The following SMARCC1 variants were observed in gnomAD, a reference collection of about 807,000 sequenced individuals.
The protein encoded by SMARCC1 is SWI/SNF complex subunit SMARCC1.
SMARCC1 carries 43 observed loss-of-function variants against 147.4 expected under a neutral mutation model. The ratio of observed to expected loss-of-function variants is 0.29; its 90% CI spans 0.23 to 0.38. The LOEUF is 0.38. Ranked by LOEUF, SMARCC1 falls within the 10% of genes least tolerant of loss-of-function variation. SMARCC1 has a pLI of 1.00. For missense variants in SMARCC1, 1,119 were observed against 1,381.1 expected (o/e 0.81, Z 3.01); for synonymous variants, 495 against 484.4 (o/e 1.02, Z -0.29).
chr3:47,682,467 A>C (rs1264845278), intron 14 of SMARCC1, among the ~76,000 whole-genome samples: 1 of 151,964 alleles, frequency 6.6e-6, no homozygotes, highest in Non-Finnish European at 1.5e-5. Context: ...TTTTGTAGAG[A>C]CGGGTATCAC....
At position 47,772,954 on chromosome 3, in the gene SMARCC1, G is replaced by A. The variant is rs1250415291; in HGVS notation, c.196-18C>T. The A allele has an allele frequency of 2.5e-6, 4 of 1,606,276 alleles. No homozygotes were observed. Among genetic ancestry groups the A allele is most frequent in the South Asian group, 1.1e-5 (1 of 90,414 alleles). On this transcript the variant is annotated intron_variant, in intron 1 of 27. Transcript: ENST00000254480. ...TGAACATACTGCAAGATAAAGACAG[G>A]CATTCAAAAACTAGTACAATTTTTG...
At chr3:47,672,596 C>A (rs1042044050) in intron 18 of SMARCC1, among the ~76,000 whole-genome samples, 4 of 152,088 alleles carry the variant, frequency 2.6e-5, no homozygotes, top group African/African-American at 9.7e-5. Flanking sequence ...CCAAGAAGAA[C>A]AAAATTCATT....
At chr3:47,671,196 A>AAACAAAC (rs1553682000) in intron 18 of SMARCC1, among the ~76,000 whole-genome samples, 1 of 81,144 alleles carries the variant, frequency 1.2e-5, no homozygotes, top group Non-Finnish European at 2.4e-5. Flanking sequence ...AAAAAAAAAA[A>AAACAAAC]AACACACACA....
chr3:47,761,131 T>TAAAAA (rs1324912243), intron 2 of SMARCC1, among the ~76,000 whole-genome samples: 4 of 64,868 alleles, frequency 6.2e-5, no homozygotes, highest in African/African-American at 8.0e-5. Context: ...AGACTCTGTC[T>TAAAAA]AAAAAAAAAG....
intron 2 of SMARCC1, among the ~76,000 whole-genome samples, chr3:47,769,044 C>T (rs1172358710): frequency 6.6e-6 from 1 of 151,004 alleles, no homozygotes; most frequent in African/African-American, 2.4e-5. Flanking sequence ...AACCTTGTCT[C>T]TACTAAAAAT....
chr3:47,633,775 TATATAC>T (rs1157991733), intron 24 of SMARCC1, among the ~76,000 whole-genome samples: 23 of 18,640 alleles, frequency 1.2e-3, no homozygotes, highest in African/African-American at 2.0e-3. Flanking sequence ...TATATATATA[TATATAC>T]ACACACACAC....
chr3:47,672,797 T>A (rs868584849), intron 18 of SMARCC1, among the ~76,000 whole-genome samples: 1 of 151,418 alleles, frequency 6.6e-6, no homozygotes, highest in East Asian at 2.0e-4. Flanking sequence ...TCTTCTTTTT[T>A]AGATGGAGTC....
At chr3:47,641,852 G>T (rs569048083) in intron 21 of SMARCC1, among the ~76,000 whole-genome samples, 1 of 152,238 alleles carries the variant, frequency 6.6e-6, no homozygotes, top group Non-Finnish European at 1.5e-5. Flanking sequence ...GCTCACTGCA[G>T]CCTCAAACTC....
In SMARCC1 at chr3:47,689,572, C is replaced by G. The variant is rs535116591; in HGVS notation, c.1226-148G>C. The G allele has an allele frequency of 9.0e-6, 6 of 664,860 alleles. No homozygotes were observed. In the African/African-American group the frequency reaches 1.1e-4, roughly 12 times the overall value. 41.2% of individuals were successfully genotyped at this position (664,860 alleles called of 1,614,324 possible). On this transcript the variant is annotated intron_variant, in intron 12 of 27. Coordinates refer to ENST00000254480, the MANE Select transcript of SMARCC1 (RefSeq NM_003074.4). ...AAGCAAAATCACTCTGAATAATTCACTAAATTAGAATTCTACACAGAAGCA... is the reference window on the plus strand; with the variant it reads ...AAGCAAAATCACTCTGAATAATTCAGTAAATTAGAATTCTACACAGAAGCA...
At chr3:47,717,054 T>A (rs557643793) in intron 7 of SMARCC1, among the ~76,000 whole-genome samples, 1,577 of 152,272 alleles carry the variant, frequency 0.01, 24 homozygotes, top group African/African-American at 0.036. Context: ...TCGAACTACA[T>A]AAAAAGATTG....
intron 2 of SMARCC1, among the ~76,000 whole-genome samples, chr3:47,755,209 T>C (rs1030527605): frequency 8.6e-5 from 13 of 151,938 alleles, no homozygotes; most frequent in South Asian, 4.2e-4. Flanking sequence ...TCTCAAAAAC[T>C]AAATTAATTA....
chr3:47,681,954 A>G (rs1178744638), intron 14 of SMARCC1, among the ~76,000 whole-genome samples: 1 of 152,222 alleles, frequency 6.6e-6, no homozygotes. Flanking sequence ...GTGACATGCA[A>G]AGATGATCAG....
intron 25 of SMARCC1, among the ~76,000 whole-genome samples, chr3:47,615,978 C>T (rs1311774815): frequency 1.3e-5 from 2 of 152,182 alleles, no homozygotes; most frequent in African/African-American, 4.8e-5. Flanking sequence ...GCCACAGCAC[C>T]CAGCCTCTGA....
At chr3:47,695,269 G>C (rs1321114132) in intron 11 of SMARCC1, among the ~76,000 whole-genome samples, 1 of 152,174 alleles carries the variant, frequency 6.6e-6, no homozygotes, top group Non-Finnish European at 1.5e-5. Context: ...AGGAGGTGAA[G>C]TCTGCAGTGA....
chr3:47,746,015 C>G lies in SMARCC1; in HGVS notation c.316-22G>C, dbSNP rs754430702. 3 of 1,483,882 alleles carry G rather than the reference C, an allele frequency of 2.0e-6. No individual in the cohort carries two copies. In the Admixed American group the frequency reaches 7.0e-5, roughly 35 times the overall value. 91.9% of individuals were successfully genotyped at this position (1,483,882 alleles called of 1,614,324 possible). On this transcript the variant is annotated intron_variant, in intron 2 of 27. Coordinates refer to ENST00000254480, the MANE Select transcript of SMARCC1 (RefSeq NM_003074.4). ...TTGCCTAAAAATGATACAAATTACA[C>G]ATGAGAAAAATAAAGCTTCTGACAA... is the stretch of plus-strand genomic sequence containing the variant.
chr3:47,646,676 C>G (rs939688071), intron 21 of SMARCC1, among the ~76,000 whole-genome samples: 3 of 152,134 alleles, frequency 2.0e-5, no homozygotes, highest in Non-Finnish European at 4.4e-5. Context: ...TTGGCAGGAA[C>G]CACCCTCCAT....
chr3:47,696,418 C>T (rs560283609), intron 11 of SMARCC1, among the ~76,000 whole-genome samples: 1 of 151,992 alleles, frequency 6.6e-6, no homozygotes, highest in East Asian at 1.9e-4. Flanking sequence ...CAAATTTATA[C>T]AACACTAGAC....
intron 24 of SMARCC1, among the ~76,000 whole-genome samples, chr3:47,631,822 A>G (rs972372562): frequency 2.0e-5 from 3 of 152,220 alleles, no homozygotes; most frequent in Non-Finnish European, 4.4e-5. Flanking sequence ...CATAAGTTAT[A>G]TATTAATTAT....
chr3:47,601,489 G>A lies in SMARCC1; in HGVS notation c.3043+8577C>T, dbSNP rs543962323. The stretch of plus-strand genomic sequence containing the variant: ...AGTGAGGGGAAGCCCAGGCTCCTCA[G>A]AGACTGTGCCTTCCCCACAGCAGCT... On this transcript the variant is annotated intron_variant, in intron 26 of 27. Transcript: ENST00000254480. Among the ~76,000 whole-genome samples the A allele has an allele frequency of 2.4e-3, 369 of 152,224 alleles. 4 individuals are homozygous for A. The highest frequency in any genetic ancestry group is 3.4e-4 in the Non-Finnish European group (23 of 68,010).
Sources: gnomAD v4.1 joint callset for allele counts (sites outside exome capture counted in the v4.1 genomes callset) on GRCh38, gnomAD v4.1.1 for gene constraint, MANE v1.5 for transcripts, NCBI Gene and HGNC (gene_info 2026-07-23, HGNC 2026-07-21) for gene names.